Variants in PPFIA2 observed in about 807,000 individuals in gnomAD.
PPFIA2 encodes liprin-alpha-2.
PPFIA2 carries 46 observed loss-of-function variants against 175.5 expected under a neutral mutation model. The ratio of observed to expected loss-of-function variants is 0.26; its 90% CI spans 0.21 to 0.34. The LOEUF (loss-of-function observed/expected upper bound fraction) is 0.34, where lower values mean the gene tolerates loss of function less well. Ranked by LOEUF, PPFIA2 falls within the 10% of genes least tolerant of loss-of-function variation. The pLI is 1.00. For missense variants in PPFIA2, 1,179 were observed against 1,506.1 expected, an observed-to-expected ratio of 0.78 and a Z score of 3.60; for synonymous variants, 568 against 511.4, an observed-to-expected ratio of 1.11 and a Z score of -1.49.
Position 81,425,755 on chromosome 12 carries a change from G to A in PPFIA2, c.645+14217C>T, listed in dbSNP as rs149286985. Reference sequence around the variant, plus strand: ...TGCACTGGCTTTACAAAACTTCCACGACACATTTTCTGATTGTACTGTAAG... The same window carrying A: ...TGCACTGGCTTTACAAAACTTCCACAACACATTTTCTGATTGTACTGTAAG... On this transcript the variant is annotated intron_variant, in intron 7 of 32. Coordinates refer to ENST00000549396, the MANE Select transcript of PPFIA2 (RefSeq NM_003625.5). Among the ~76,000 whole-genome samples the A allele has an allele frequency of 3.4e-3, 521 of 152,126 alleles. 2 individuals are homozygous for A. The highest frequency in any genetic ancestry group is 0.012 in the African/African-American group (506 of 41,500).
intron 17 of PPFIA2, among the ~76,000 whole-genome samples, chr12:81,351,362 C>T (rs1480632311): frequency 6.6e-6 from 1 of 151,702 alleles, no homozygotes; most frequent in African/African-American, 2.4e-5. Flanking sequence ...ATTTGGTCCC[C>T]ATTTACTTAG....
At chr12:81,662,229 A>G (rs892641482) in intron 4 of PPFIA2, among the ~76,000 whole-genome samples, 2 of 152,172 alleles carry the variant, frequency 1.3e-5, no homozygotes, top group Non-Finnish European at 2.9e-5. Context: ...TAGAGACATA[A>G]AAAAACCCTT....
intron 3 of PPFIA2, among the ~76,000 whole-genome samples, chr12:81,724,044 G>T (rs909063257): frequency 6.6e-6 from 1 of 150,806 alleles, no homozygotes; most frequent in African/African-American, 2.4e-5. Context: ...ACAGGGAAAG[G>T]TGACTGTTTC....
Position 81,329,752 on chromosome 12 carries a change from G to C in PPFIA2, c.2549-3882C>G, listed in dbSNP as rs138772609. 3.4e-3 allele frequency among the ~76,000 whole-genome samples: 522 copies of C among 152,306 alleles called. 2 individuals are homozygous for C. Among genetic ancestry groups the C allele is most frequent in the African/African-American group, 0.012 (506 of 41,566 alleles). On this transcript the variant is annotated intron_variant, in intron 21 of 32. Transcript: ENST00000549396. ...CTGAAGGGGAGAAACAGGGACCCAG[G>C]CTCCTGCTGTTTGGCTGGATCGGGC...
intron 4 of PPFIA2, among the ~76,000 whole-genome samples, chr12:81,501,415 A>G (rs577817993): frequency 1.3e-4 from 20 of 152,270 alleles, no homozygotes; most frequent in Non-Finnish European, 2.4e-4. Context: ...ATGTATCACT[A>G]TCTAGCATAT....
intron 4 of PPFIA2, among the ~76,000 whole-genome samples, chr12:81,475,532 T>C (rs1288685282): frequency 1.3e-5 from 2 of 152,210 alleles, no homozygotes; most frequent in African/African-American, 4.8e-5. Context: ...AACATAGTTC[T>C]TCCCGTGATT....
chr12:81,535,558 T>C (rs2065252144), intron 4 of PPFIA2: 2 of 432,868 alleles, frequency 4.6e-6, no homozygotes, highest in Non-Finnish European at 9.3e-6. Context: ...TACATACATT[T>C]CTCTGTCCTT....
intron 21 of PPFIA2, among the ~76,000 whole-genome samples, chr12:81,334,317 G>A (rs986023360): frequency 6.6e-6 from 1 of 152,046 alleles, no homozygotes; most frequent in African/African-American, 2.4e-5. Context: ...ATTTGTTTAC[G>A]TACTATCTTT....
At chr12:81,458,109 A>G (rs902893342) in intron 4 of PPFIA2, among the ~76,000 whole-genome samples, 2 of 152,170 alleles carry the variant, frequency 1.3e-5, no homozygotes, top group Non-Finnish European at 2.9e-5. Flanking sequence ...TTCAAAATAT[A>G]TCAGATACAT....
At chr12:81,671,908 A>G (rs923931163) in intron 4 of PPFIA2, among the ~76,000 whole-genome samples, 23 of 151,822 alleles carry the variant, frequency 1.5e-4, no homozygotes, top group African/African-American at 5.6e-4. Flanking sequence ...GCCCCTTTCT[A>G]TTCCCATCAA....
At chr12:81,525,354 T>C (rs1314688994) in intron 4 of PPFIA2, among the ~76,000 whole-genome samples, 1 of 152,144 alleles carries the variant, frequency 6.6e-6, no homozygotes, top group Non-Finnish European at 1.5e-5. Flanking sequence ...TGCCTTTGGG[T>C]TAATCAAAAG....
chr12:81,388,330 A>G (rs1038116354), intron 8 of PPFIA2, among the ~76,000 whole-genome samples: 6 of 152,218 alleles, frequency 3.9e-5, no homozygotes, highest in Non-Finnish European at 8.8e-5. Context: ...CATATTACTG[A>G]TCTCTCCAAT....
At chr12:81,377,120 T>G (rs183214557) in intron 9 of PPFIA2, among the ~76,000 whole-genome samples, 2 of 152,284 alleles carry the variant, frequency 1.3e-5, no homozygotes, top group Admixed American at 1.3e-4. Flanking sequence ...GGGTTGAAAT[T>G]AAGAATTTCA....
chr12:81,266,037 A>G (rs1394514328), intron 30 of PPFIA2, among the ~76,000 whole-genome samples: 2 of 152,234 alleles, frequency 1.3e-5, no homozygotes, highest in African/African-American at 2.4e-5. Flanking sequence ...TGTAGAACTT[A>G]TCTCTCTATA....
At chr12:81,362,049 CTAT>C (rs1165393285) in intron 15 of PPFIA2, among the ~76,000 whole-genome samples, 2 of 140,814 alleles carry the variant, frequency 1.4e-5, no homozygotes, top group African/African-American at 2.7e-5. Context: ...ATCTATCTAT[CTAT>C]GATCTATCAA....
chr12:81,640,212 A>C (rs2064774484), intron 4 of PPFIA2, among the ~76,000 whole-genome samples: 1 of 152,098 alleles, frequency 6.6e-6, no homozygotes, highest in African/African-American at 2.4e-5. Flanking sequence ...TCTTATTGTT[A>C]TTCAGTGAAA....
chr12:81,397,667 T>A (rs1252409560), intron 8 of PPFIA2, among the ~76,000 whole-genome samples: 5 of 151,946 alleles, frequency 3.3e-5, no homozygotes, highest in Non-Finnish European at 7.4e-5. Flanking sequence ...CTTTGTATAT[T>A]ATAAGAATAC....
At chr12:81,420,055 C>T (rs1046922365) in intron 7 of PPFIA2, among the ~76,000 whole-genome samples, 2 of 152,168 alleles carry the variant, frequency 1.3e-5, no homozygotes, top group African/African-American at 4.8e-5. Context: ...CCAGTGCTGA[C>T]CTCAGCTGAT....
Position 81,374,697 on chromosome 12 carries a change from T to C in PPFIA2, c.1203A>G (p.Arg401=), listed in dbSNP as rs763607240. ...LAEQKLQQTM[R]KAETLPEVEA... is the part of the protein sequence containing the mutation. The stretch of plus-strand genomic sequence containing the variant: ...CTACTTCAGGCAAGGTTTCAGCCTT[T>C]CTCATGGTCTGCTGCAACTTTTGTT... Residue 401 remains arginine, a synonymous_variant, in exon 11 of 33, where the codon AGA becomes AGG. Coordinates refer to ENST00000549396, the MANE Select transcript of PPFIA2 (RefSeq NM_003625.5). 6.2e-7 allele frequency: 1 copy of C among 1,613,482 alleles called. No homozygotes were observed. The highest frequency in any genetic ancestry group is 1.7e-5 in the Admixed American group (1 of 59,950).
Sources: gnomAD v4.1 joint callset for allele counts (sites outside exome capture counted in the v4.1 genomes callset) on GRCh38, gnomAD v4.1.1 for gene constraint, MANE v1.5 for transcripts, NCBI Gene and HGNC (gene_info 2026-07-23, HGNC 2026-07-21) for gene names.